OR7A10: variants seen among roughly 807,000 people sequenced by gnomAD.
The protein encoded by OR7A10 is olfactory receptor family 7 subfamily A member 10.
For missense variants in OR7A10, 358 were observed against 370.1 expected (o/e 0.97, Z 0.27); for synonymous variants, 144 against 144.5 (o/e 1.00, Z 0.02).
rs1349769024 is a variant in OR7A10, at chr19:14,841,162, G to A, written c.716C>T (p.Ser239Phe). 2 of 1,614,072 alleles carry A rather than the reference G, an allele frequency of 1.2e-6. No homozygotes were observed. Among genetic ancestry groups the A allele is most frequent in the South Asian group, 1.1e-5 (1 of 91,062 alleles). ...SSAQGKYKAF[S>F]TCASHLSVVS... The stretch of plus-strand genomic sequence containing the variant: ...AACTGAGAGGTGAGATGCACAGGTG[G>A]AAAATGCCTTATACTTCCCCTGAGC... The change falls in exon 2 of 2, where the codon TCC becomes TTC. Residue 239 changes from serine (S) to phenylalanine (F), a missense_variant. Ser to Phe is a radical substitution (Grantham distance 155). Coordinates refer to ENST00000641129, the MANE Select transcript of OR7A10 (RefSeq NM_001005190.2).
chr19:14,843,027 C>A (rs139080547), intron 1 of OR7A10, among the ~76,000 whole-genome samples: 1 of 152,222 alleles, frequency 6.6e-6, no homozygotes, highest in East Asian at 1.9e-4. Context: ...GCAAAGGACA[C>A]GAGCAGACAC....
At chr19:14,843,731 G>A (rs911947631) in intron 1 of OR7A10, among the ~76,000 whole-genome samples, 5 of 152,138 alleles carry the variant, frequency 3.3e-5, no homozygotes, top group East Asian at 1.9e-4. Context: ...AGTGAATTTC[G>A]ACATGTTCCA....
chr19:14,846,667 G>A (rs1215342538), intron 1 of OR7A10, among the ~76,000 whole-genome samples: 2 of 122,944 alleles, frequency 1.6e-5, no homozygotes, highest in East Asian at 2.7e-4. Flanking sequence ...CTGAGATCGC[G>A]TCACTGCACT....
At chr19:14,842,591 C>T (rs117653399) in intron 1 of OR7A10, among the ~76,000 whole-genome samples, 4,364 of 152,192 alleles carry the variant, frequency 0.029, 92 homozygotes, top group South Asian at 0.076. Flanking sequence ...TGTTTAGCTC[C>T]CAATTATTAG....
chr19:14,842,580 A>T (rs529487389), intron 1 of OR7A10, among the ~76,000 whole-genome samples: 2 of 152,244 alleles, frequency 1.3e-5, no homozygotes, highest in South Asian at 4.2e-4. Flanking sequence ...CGTGCACTCA[A>T]TGTTTAGCTC....
intron 1 of OR7A10, among the ~76,000 whole-genome samples, chr19:14,847,061 T>A (rs2044946347): frequency 2.6e-5 from 4 of 152,056 alleles, no homozygotes; most frequent in Admixed American, 2.6e-4. Context: ...CAAAAGAACA[T>A]AAAACAGCTA....
chr19:14,844,664 G>GTTTTTTTGTTTTTT (rs2044931725), intron 1 of OR7A10, among the ~76,000 whole-genome samples: 1 of 97,660 alleles, frequency 1.0e-5, no homozygotes, highest in African/African-American at 4.0e-5. Flanking sequence ...TGAGTTCTGT[G>GTTTTTTTGTTTTTT]TTTTTTTTTT....
chr19:14,841,930 A>C, intron 1 of OR7A10, 41 bp from the exon 2 acceptor site: 7 of 1,194,964 alleles, frequency 5.9e-6, no homozygotes, highest in Non-Finnish European at 8.3e-6. Context: ...GAGTGAAAGA[A>C]CATGAAACAA....
chr19:14,845,347 C>A (rs1417212575), intron 1 of OR7A10, among the ~76,000 whole-genome samples: 1 of 151,864 alleles, frequency 6.6e-6, no homozygotes, highest in Non-Finnish European at 1.5e-5. Flanking sequence ...TGGTGGTGGG[C>A]GCCTGTAATC....
intron 1 of OR7A10, among the ~76,000 whole-genome samples, chr19:14,843,440 T>G (rs1427093243): frequency 6.6e-6 from 1 of 152,230 alleles, no homozygotes; most frequent in Non-Finnish European, 1.5e-5. Context: ...TGTATCACGG[T>G]GAACTGTTGT....
intron 1 of OR7A10, among the ~76,000 whole-genome samples, chr19:14,847,894 G>T (rs1237554237): frequency 4.6e-5 from 7 of 151,682 alleles, no homozygotes; most frequent in Non-Finnish European, 8.8e-5. Context: ...GGAGGCCGAG[G>T]TGGGTGGATC....
intron 1 of OR7A10, among the ~76,000 whole-genome samples, chr19:14,845,058 C>G (rs1568259122): frequency 7.3e-6 from 1 of 137,722 alleles, no homozygotes; most frequent in African/African-American, 2.8e-5. Context: ...GGTGCACACA[C>G]ACACACACAC....
At position 14,846,709 on chromosome 19, in the gene OR7A10, CAAA is replaced by C. The variant is rs60087409; in HGVS notation, c.-13+1788_-13+1790del. Among the ~76,000 whole-genome samples the C allele has an allele frequency of 1.0e-3, 65 of 64,040 alleles. 1 individual carries two copies. Among genetic ancestry groups the C allele is most frequent in the Admixed American group, 2.6e-3 (11 of 4,210 alleles). The allele number at this position is 64,040 out of a possible 152,430, so 42.0% of individuals were successfully genotyped here. ...TGGGTGACAGAGCGAGACTCCATCT[CAAA>C]AAAAAAAAAAAAAGGAAAAGGAAGT... On this transcript the variant is annotated intron_variant, in intron 1 of 1. Coordinates refer to ENST00000641129, the MANE Select transcript of OR7A10 (RefSeq NM_001005190.2).
At chr19:14,847,633 C>T (rs186065651) in intron 1 of OR7A10, among the ~76,000 whole-genome samples, 4,438 of 152,176 alleles carry the variant, frequency 0.029, 93 homozygotes, top group Non-Finnish European at 0.045. Flanking sequence ...GCCTCAGCCT[C>T]CCGAGTAGCT....
intron 1 of OR7A10, among the ~76,000 whole-genome samples, chr19:14,847,925 C>A (rs186468013): frequency 6.6e-6 from 1 of 151,674 alleles, no homozygotes; most frequent in East Asian, 2.0e-4. Context: ...GAGATTGAGA[C>A]CATCCTGGCC....
Position 14,841,105 on chromosome 19 carries a change from A to G in OR7A10, c.773T>C (p.Val258Ala). 1.9e-6 allele frequency: 3 copies of G among 1,613,912 alleles called. No homozygotes were observed. Among genetic ancestry groups the G allele is most frequent in the South Asian group, 1.1e-5 (1 of 91,052 alleles). The change falls in exon 2 of 2, where the codon GTG (valine) becomes GCG (alanine). Residue 258 changes from valine to alanine, a missense_variant. Transcript: ENST00000641129. ...GTGGGTGGCAGCAGAACTAAGGTAC[A>G]CCCCTAAGCATGTACCATAAAATAA... ...VSLFYGTCLG[V>A]YLSSAATHNS...
intron 1 of OR7A10, among the ~76,000 whole-genome samples, chr19:14,844,835 G>C (rs1221949781): frequency 6.6e-6 from 1 of 151,142 alleles, no homozygotes; most frequent in Non-Finnish European, 1.5e-5. Flanking sequence ...GCTAATTTTT[G>C]TATTTTTAGT....
chr19:14,842,073 G>A (rs896948320), intron 1 of OR7A10, among the ~76,000 whole-genome samples, 184 bp from the exon 2 acceptor site: 1 of 152,136 alleles, frequency 6.6e-6, no homozygotes, highest in African/African-American at 2.4e-5. Flanking sequence ...AACATGATGT[G>A]TTTTTAAAAG....
Position 14,840,695 on chromosome 19 carries a change from C to T in OR7A10, c.*253G>A, listed in dbSNP as rs2044905287. 1 of 325,294 alleles carries T rather than the reference C, an allele frequency of 3.1e-6. No individual in the cohort carries two copies. Among genetic ancestry groups the T allele is most frequent in the Non-Finnish European group, 5.6e-6 (1 of 177,326 alleles). The allele number at this position is 325,294 out of a possible 1,614,324, so 20.2% of individuals were successfully genotyped here. A position where few individuals can be genotyped will look rare whatever the true frequency, so the allele number is the denominator to read the frequency against. On this transcript the variant is annotated 3_prime_UTR_variant, in exon 2 of 2. Transcript: ENST00000641129. ...CTCTACTTCAATGAGTAGATGTACC[C>T]CAACGAAAACAAATATTCCATAGTT...
Sources: allele counts gnomAD v4.1 joint callset (sites outside exome capture counted in the v4.1 genomes callset), GRCh38; gene constraint gnomAD v4.1.1; transcripts MANE v1.5; gene names NCBI Gene and HGNC (gene_info 2026-07-23, HGNC 2026-07-21).